Variants in CELA2A observed in about 807,000 individuals in gnomAD.
The protein encoded by CELA2A is chymotrypsin like elastase 2A.
CELA2A carries 31 observed loss-of-function variants against 35.3 expected under a neutral mutation model. The observed-to-expected ratio is 0.88, with a 90% CI of 0.66 to 1.19. The LOEUF (loss-of-function observed/expected upper bound fraction) is 1.19, where lower values mean the gene tolerates loss of function less well. Ranked by LOEUF, CELA2A falls within the 50% of genes most tolerant of loss-of-function variation. CELA2A has a pLI of 0.00. For synonymous variants in CELA2A, 150 were observed against 149.8 expected (o/e 1.00, Z -0.01); for missense variants, 330 against 352.9 (o/e 0.94, Z 0.52).
chr1:15,460,206 G>C (rs1708415033), intron 2 of CELA2A, among the ~76,000 whole-genome samples: 1 of 151,994 alleles, frequency 6.6e-6, no homozygotes, highest in South Asian at 2.1e-4. Flanking sequence ...ATTCAAATCT[G>C]GTTCAGTGCT....
At chr1:15,459,347 T>A (rs72643665) in intron 2 of CELA2A, among the ~76,000 whole-genome samples, 265 of 149,360 alleles carry the variant, frequency 1.8e-3, no homozygotes, top group Middle Eastern at 3.4e-3. Context: ...TTTTTTTTTT[T>A]AGAGATGGGT....
chr1:15,463,407 A>G lies in CELA2A; in HGVS notation c.378A>G (p.Lys126=), dbSNP rs776629562. Residue 126 remains lysine (K), a synonymous_variant, in exon 5 of 8, where the codon AAA becomes AAG. Coordinates refer to ENST00000359621, the MANE Select transcript of CELA2A (RefSeq NM_033440.3). ...ISKGNDIALL[K]LANPVSLTDK... ...CCAGGAACGACATTGCCCTGCTCAA[A>G]CTGGCTAACCCCGTCTCCCTCACCG... 6.2e-7 allele frequency: 1 copy of G among 1,613,762 alleles called. No homozygotes were observed. The highest frequency in any genetic ancestry group is 8.5e-7 in the Non-Finnish European group (1 of 1,179,852).
rs1003787979 is a variant in CELA2A, at chr1:15,461,981, T to C, written c.227+323T>C. ...TCCCTTGAACAACTTAACTGACTTC[T>C]CAAAGCTTCAATACCATCACCTGCA... is the stretch of plus-strand genomic sequence containing the variant. On this transcript the variant is annotated intron_variant, in intron 3 of 7. Transcript: ENST00000359621. The C allele has an allele frequency of 2.7e-5, 15 of 547,712 alleles. No individual in the cohort carries two copies. The Admixed American group carries it at 3.4e-4, about 13-fold the overall frequency. 33.9% of individuals were successfully genotyped at this position (547,712 alleles called of 1,614,324 possible).
At chr1:15,457,045 G>T in intron 1 of CELA2A, 41 bp from the exon 2 acceptor site, 2 of 1,573,298 alleles carry the variant, frequency 1.3e-6, no homozygotes, top group Non-Finnish European at 1.7e-6. Context: ...ACATTGTGTG[G>T]GTCGCTGCTT....
In CELA2A at chr1:15,467,328, T is replaced by C. The variant is rs1708531733; in HGVS notation, c.640-58T>C. The C allele has an allele frequency of 1.9e-6, 3 of 1,548,912 alleles. No homozygotes were observed. The Admixed American group carries it at 5.0e-5, about 26-fold the overall frequency. On this transcript the variant is annotated intron_variant, in intron 6 of 7. Coordinates refer to ENST00000359621, the MANE Select transcript of CELA2A (RefSeq NM_033440.3). ...AATAGAAATGCATTGAGAACAATGG[T>C]TCCAATGGGCAGCCCCTTCCTCTCC...
chr1:15,465,995 T>A lies in CELA2A; in HGVS notation c.494-4T>A. ...CCTAATGGCTTCTCTCTGATCTCAT[T>A]CAGCCAACGGGGCTGTTCCTGATGT... On this transcript the variant is annotated splice_polypyrimidine_tract_variant and splice_region_variant and intron_variant, in intron 5 of 7. Coordinates refer to ENST00000359621, the MANE Select transcript of CELA2A (RefSeq NM_033440.3). 6.2e-7 allele frequency: 1 copy of A among 1,614,122 alleles called. No individual in the cohort carries two copies. Among genetic ancestry groups the A allele is most frequent in the Non-Finnish European group, 8.5e-7 (1 of 1,180,028 alleles).
At chr1:15,462,233 G>A (rs952405704) in intron 3 of CELA2A, 1 of 469,496 alleles carries the variant, frequency 2.1e-6, no homozygotes, top group African/African-American at 2.0e-5. Flanking sequence ...CTCCCTACCA[G>A]GAGTGATCCC....
intron 6 of CELA2A, 152 bp from the exon 7 acceptor site, chr1:15,467,234 G>A (rs1384616749): frequency 2.7e-6 from 2 of 733,738 alleles, no homozygotes; most frequent in East Asian, 2.7e-5. Flanking sequence ...GCTCTTGTTG[G>A]AATTATGGTA....
chr1:15,459,557 G>T (rs558984524), intron 2 of CELA2A, among the ~76,000 whole-genome samples: 5 of 152,252 alleles, frequency 3.3e-5, no homozygotes, highest in Non-Finnish European at 7.4e-5. Flanking sequence ...TTTGGAAGAA[G>T]GGCCACAGTC....
At position 15,465,985 on chromosome 1, in the gene CELA2A, C is replaced by T. The variant is rs190951836; in HGVS notation, c.494-14C>T. On this transcript the variant is annotated splice_polypyrimidine_tract_variant and intron_variant, in intron 5 of 7. Coordinates refer to ENST00000359621, the MANE Select transcript of CELA2A (RefSeq NM_033440.3). ...TCCCTGCATCCCTAATGGCTTCTCT[C>T]TGATCTCATTCAGCCAACGGGGCTG... 7.8e-5 allele frequency: 126 copies of T among 1,614,046 alleles called. No individual in the cohort carries two copies. The African/African-American group carries it at 1.5e-3, about 19-fold the overall frequency.
At chr1:15,462,941 C>T in intron 4 of CELA2A, 80 bp downstream of exon 4, 4 of 1,577,886 alleles carry the variant, frequency 2.5e-6, no homozygotes, top group Non-Finnish European at 3.5e-6. Flanking sequence ...GGGTCTCAAC[C>T]ACACCACACC....
chr1:15,462,126 CA>C, intron 3 of CELA2A: 1 of 472,376 alleles, frequency 2.1e-6, no homozygotes, highest in South Asian at 1.5e-5. Flanking sequence ...TAAAGGCCCA[CA>C]AGGTTCTGCA....
intron 7 of CELA2A, among the ~76,000 whole-genome samples, chr1:15,470,979 A>T (rs749180204): frequency 2.0e-5 from 3 of 152,228 alleles, no homozygotes; most frequent in African/African-American, 7.2e-5. Flanking sequence ...GCAAAAACTA[A>T]GATCTGAGTC....
chr1:15,457,141 T>G lies in CELA2A; in HGVS notation c.96T>G (p.Gly32=). ...YPPYVTRVVG[G]EEARPNSWPW... ...CTTATGTGACTAGGGTGGTTGGCGGTGAAGAAGCGAGGCCCAACAGCTGGC... is the reference window on the plus strand; with the variant it reads ...CTTATGTGACTAGGGTGGTTGGCGGGGAAGAAGCGAGGCCCAACAGCTGGC... The change falls in exon 2 of 8, where the codon GGT becomes GGG. Residue 32 remains glycine (G), a synonymous_variant. Coordinates refer to ENST00000359621, the MANE Select transcript of CELA2A (RefSeq NM_033440.3). 6.2e-7 allele frequency: 1 copy of G among 1,614,094 alleles called. No individual in the cohort carries two copies.
chr1:15,461,187 G>A (rs958542832), intron 2 of CELA2A, among the ~76,000 whole-genome samples: 2 of 152,002 alleles, frequency 1.3e-5, no homozygotes, highest in Admixed American at 6.6e-5. Context: ...ACGACAAATG[G>A]GGATTATAAG....
chr1:15,467,644 G>A, intron 7 of CELA2A, 106 bp downstream of exon 7: 1 of 1,406,686 alleles, frequency 7.1e-7, no homozygotes, highest in Non-Finnish European at 9.7e-7. Context: ...CCTCTTGAGA[G>A]CTAGATGGGA....
chr1:15,459,335 T>TG (rs1446369326), intron 2 of CELA2A, among the ~76,000 whole-genome samples: 2 of 92,630 alleles, frequency 2.2e-5, no homozygotes, highest in African/African-American at 6.6e-5. Flanking sequence ...GTTAAGTTTC[T>TG]TTTTTTTTTT....
chr1:15,464,983 A>C (rs1708496050), intron 5 of CELA2A, among the ~76,000 whole-genome samples: 1 of 149,412 alleles, frequency 6.7e-6, no homozygotes, highest in Non-Finnish European at 1.5e-5. Context: ...TAGTGGTCTT[A>C]AGCCAGACAC....
intron 5 of CELA2A, 131 bp from the exon 6 acceptor site, chr1:15,465,868 T>C (rs1438778489): frequency 1.7e-5 from 18 of 1,072,984 alleles, no homozygotes; most frequent in Non-Finnish European, 2.4e-5. Flanking sequence ...GGACACAGTA[T>C]AGACAAACGT....
Sources: allele counts gnomAD v4.1 joint callset (sites outside exome capture counted in the v4.1 genomes callset), GRCh38; gene constraint gnomAD v4.1.1; transcripts MANE v1.5; gene names NCBI Gene and HGNC (gene_info 2026-07-23, HGNC 2026-07-21).